PTPRD: variants seen among roughly 807,000 people sequenced by gnomAD.
The protein encoded by PTPRD is protein tyrosine phosphatase receptor type D.
A neutral mutation model predicts 214.5 loss-of-function variants in PTPRD; 34 were observed. The observed-to-expected ratio is 0.16, with a 90% confidence interval of 0.12 to 0.21. The LOEUF is 0.21. Ranked by LOEUF, PTPRD falls within the 10% of genes least tolerant of loss-of-function variation. The pLI, the probability that PTPRD is intolerant of heterozygous loss-of-function variation, is 1.00. For missense variants in PTPRD, 2,545 were observed against 2,398.7 expected, an observed-to-expected ratio of 1.06 and a Z score of -1.27; for synonymous variants, 1,128 against 845.7, an observed-to-expected ratio of 1.33 and a Z score of -5.79.
At chr9:9,142,289 C>A (rs1352570518) in intron 10 of PTPRD, among the ~76,000 whole-genome samples, 8 of 152,180 alleles carry the variant, frequency 5.3e-5, no homozygotes, top group African/African-American at 1.9e-4. Flanking sequence ...GTAACAGGAC[C>A]ACCAGGATGA....
intron 8 of PTPRD, among the ~76,000 whole-genome samples, chr9:9,496,484 T>A (rs1264752752): frequency 6.6e-6 from 1 of 152,142 alleles, no homozygotes; most frequent in Non-Finnish European, 1.5e-5. Context: ...TTGACATGAC[T>A]AATCATTAGA....
At chr9:9,148,814 T>C (rs2099873004) in intron 10 of PTPRD, among the ~76,000 whole-genome samples, 1 of 152,190 alleles carries the variant, frequency 6.6e-6, no homozygotes, top group Non-Finnish European at 1.5e-5. Flanking sequence ...TTAATGAATA[T>C]TTAATTTTAG....
intron 3 of PTPRD, among the ~76,000 whole-genome samples, chr9:10,156,520 T>C (rs1208572281): frequency 6.6e-6 from 1 of 152,214 alleles, no homozygotes; most frequent in East Asian, 1.9e-4. Context: ...TGGGTTCATT[T>C]ATTTCGCATT....
intron 5 of PTPRD, among the ~76,000 whole-genome samples, chr9:9,820,771 C>T (rs1168343053): frequency 6.6e-6 from 1 of 151,944 alleles, no homozygotes; most frequent in Non-Finnish European, 1.5e-5. Context: ...TTGTCAGCTT[C>T]ATTGTATATC....
At chr9:8,652,024 C>T (rs965627745) in intron 12 of PTPRD, among the ~76,000 whole-genome samples, 1 of 152,106 alleles carries the variant, frequency 6.6e-6, no homozygotes, top group African/African-American at 2.4e-5. Flanking sequence ...TTATCTGAGC[C>T]CCAGGAATAT....
At chr9:9,366,439 G>A (rs542016178) in intron 9 of PTPRD, among the ~76,000 whole-genome samples, 4 of 151,614 alleles carry the variant, frequency 2.6e-5, no homozygotes, top group South Asian at 4.1e-4. Context: ...AAATTTTATT[G>A]AAGAGAAAGC....
At chr9:9,559,902 C>G (rs2082466625) in intron 8 of PTPRD, among the ~76,000 whole-genome samples, 1 of 152,214 alleles carries the variant, frequency 6.6e-6, no homozygotes, top group South Asian at 2.1e-4. Flanking sequence ...AGAGGTTTCA[C>G]TTCCACTGAC....
At chr9:10,457,792 T>C (rs1016232163) in intron 2 of PTPRD, among the ~76,000 whole-genome samples, 4 of 152,108 alleles carry the variant, frequency 2.6e-5, no homozygotes, top group African/African-American at 9.6e-5. Flanking sequence ...TGCTACTTCA[T>C]TGTAATTTAA....
At chr9:9,662,935 C>G (rs190140389) in intron 7 of PTPRD, among the ~76,000 whole-genome samples, 108 of 151,606 alleles carry the variant, frequency 7.1e-4, no homozygotes, top group African/African-American at 2.5e-3. Context: ...ATTTATGAAT[C>G]TGATACAGTT....
intron 11 of PTPRD, among the ~76,000 whole-genome samples, chr9:8,854,362 T>A (rs1335735666): frequency 6.6e-6 from 1 of 152,190 alleles, no homozygotes; most frequent in East Asian, 1.9e-4. Flanking sequence ...TAAAATGAAG[T>A]CATCTTTGAA....
At chr9:10,561,503 G>A (rs1427511767) in intron 2 of PTPRD, among the ~76,000 whole-genome samples, 2 of 151,976 alleles carry the variant, frequency 1.3e-5, no homozygotes, top group African/African-American at 4.8e-5. Flanking sequence ...CTAGAATACT[G>A]CATAGCACAC....
chr9:9,814,580 G>C (rs2048157123), intron 5 of PTPRD, among the ~76,000 whole-genome samples: 1 of 151,952 alleles, frequency 6.6e-6, no homozygotes. Context: ...ATTTAACCAA[G>C]GAGGTAGAAG....
intron 39 of PTPRD, among the ~76,000 whole-genome samples, chr9:8,372,166 A>G (rs2081753354): frequency 6.6e-6 from 1 of 152,050 alleles, no homozygotes; most frequent in Admixed American, 6.6e-5. Context: ...GAAAATATGT[A>G]CATTTGAAAA....
At chr9:8,363,899 T>G (rs1464749751) in intron 39 of PTPRD, among the ~76,000 whole-genome samples, 1 of 152,362 alleles carries the variant, frequency 6.6e-6, no homozygotes, top group Non-Finnish European at 1.5e-5. Flanking sequence ...GGGATTCTCT[T>G]CTGATTTTGG....
At chr9:8,545,250 G>A (rs1019097780) in intron 14 of PTPRD, among the ~76,000 whole-genome samples, 1 of 151,816 alleles carries the variant, frequency 6.6e-6, no homozygotes, top group Admixed American at 6.6e-5. Context: ...CTTATATTTT[G>A]TCCTTGACAA....
At chr9:9,821,048 T>C (rs7855821) in intron 5 of PTPRD, among the ~76,000 whole-genome samples, 24,923 of 152,174 alleles carry the variant, frequency 0.16, 2,139 homozygotes, top group Non-Finnish European at 0.19. Context: ...TAGCACTGAA[T>C]CTGTATATTG....
chr9:10,573,449 G>C (rs999629274), intron 2 of PTPRD, among the ~76,000 whole-genome samples: 5 of 152,160 alleles, frequency 3.3e-5, no homozygotes, highest in Non-Finnish European at 7.3e-5. Context: ...CACAGGTCCA[G>C]TCATTTTGTT....
chr9:9,093,137 A>G (rs1294237137), intron 10 of PTPRD, among the ~76,000 whole-genome samples: 1 of 152,098 alleles, frequency 6.6e-6, no homozygotes, highest in Non-Finnish European at 1.5e-5. Flanking sequence ...ACACATAACA[A>G]TCTTAAATAT....
intron 12 of PTPRD, among the ~76,000 whole-genome samples, chr9:8,692,655 T>C (rs1362929451): frequency 6.6e-6 from 1 of 152,212 alleles, no homozygotes; most frequent in African/African-American, 2.4e-5. Flanking sequence ...GAAAATCAAG[T>C]AAGTCAGGAA....
Sources: allele counts gnomAD v4.1 joint callset (sites outside exome capture counted in the v4.1 genomes callset), GRCh38; gene constraint gnomAD v4.1.1; transcripts MANE v1.5; gene names NCBI Gene and HGNC (gene_info 2026-07-23, HGNC 2026-07-21).